Variants in RBFOX2 observed in about 807,000 individuals in gnomAD.
RBFOX2 encodes RNA binding fox-1 homolog 2.
RBFOX2 carries 10 observed loss-of-function variants against 49.1 expected under a neutral mutation model. The observed-to-expected ratio is 0.20, with a 90% CI of 0.13 to 0.35. The LOEUF (loss-of-function observed/expected upper bound fraction) is 0.35. Among genes scored for constraint, RBFOX2 ranks in the 10% least tolerant of loss-of-function variants. RBFOX2 has a pLI of 1.00. For synonymous variants in RBFOX2, 183 were observed against 187.4 expected (o/e 0.98, Z 0.19); for missense variants, 323 against 486.9 (o/e 0.66, Z 3.17).
intron 1 of RBFOX2, among the ~76,000 whole-genome samples, chr22:35,956,237 G>A (rs1663923987): frequency 6.6e-6 from 1 of 152,148 alleles, no homozygotes; most frequent in Non-Finnish European, 1.5e-5. Flanking sequence ...AGTCTTTTAA[G>A]GTTCAGAGCT....
chr22:35,832,305 G>A (rs375765343), intron 1 of RBFOX2, among the ~76,000 whole-genome samples: 4 of 149,718 alleles, frequency 2.7e-5, no homozygotes, highest in Non-Finnish European at 4.5e-5. Flanking sequence ...CCCAGGAGGC[G>A]GAGGTTGCAG....
chr22:35,887,347 T>C (rs1292638180), intron 1 of RBFOX2, among the ~76,000 whole-genome samples: 1 of 152,148 alleles, frequency 6.6e-6, no homozygotes, highest in Non-Finnish European at 1.5e-5. Context: ...ATGCCTTTTC[T>C]GATCCCATCT....
At chr22:35,904,797 C>T (rs1270939161) in intron 1 of RBFOX2, among the ~76,000 whole-genome samples, 1 of 152,162 alleles carries the variant, frequency 6.6e-6, no homozygotes, top group Non-Finnish European at 1.5e-5. Context: ...TCTAGAACTA[C>T]GTCGTCTAAC....
At chr22:35,742,438 G>A (rs906327235) in exon 12 of RBFOX2, 3 of 152,670 alleles carry the variant, frequency 2.0e-5, no homozygotes, top group Middle Eastern at 3.4e-3. Context: ...TTTAATTCAG[G>A]GACATGAGTC....
intron 1 of RBFOX2, among the ~76,000 whole-genome samples, chr22:35,814,138 A>T (rs915726743): frequency 6.6e-6 from 1 of 152,222 alleles, no homozygotes; most frequent in Admixed American, 6.5e-5. Context: ...CTTTTGGTGT[A>T]CAATGTGAAA....
chr22:35,842,870 C>A (rs1473010158), upstream of RBFOX2, among the ~76,000 whole-genome samples: 1 of 152,064 alleles, frequency 6.6e-6, no homozygotes, highest in African/African-American at 2.4e-5. Flanking sequence ...AAGTCCAAGA[C>A]TAGGATAAAG....
At chr22:35,903,311 T>G (rs1263895080) in intron 1 of RBFOX2, among the ~76,000 whole-genome samples, 2 of 152,192 alleles carry the variant, frequency 1.3e-5, no homozygotes, top group Admixed American at 6.5e-5. Context: ...GCTGACAATC[T>G]TCTTAAAACA....
chr22:35,900,902 T>C (rs1353275164), intron 1 of RBFOX2, among the ~76,000 whole-genome samples: 2 of 152,200 alleles, frequency 1.3e-5, no homozygotes, highest in Non-Finnish European at 2.9e-5. Context: ...TAGCGACTCA[T>C]GGGAGAAGGC....
chr22:35,781,516 T>G, intron 3 of RBFOX2, 84 bp downstream of exon 4: 1 of 1,495,782 alleles, frequency 6.7e-7, no homozygotes, highest in Non-Finnish European at 9.1e-7. Flanking sequence ...AGTTTAATCC[T>G]AAAGTAATAA....
intron 2 of RBFOX2, among the ~76,000 whole-genome samples, chr22:35,802,784 A>G (rs1950016607): frequency 6.6e-6 from 1 of 152,160 alleles, no homozygotes; most frequent in African/African-American, 2.4e-5. Context: ...AAGAGTCACA[A>G]AAGGGCCAGA....
At chr22:35,937,935 C>T (rs574874239) in intron 1 of RBFOX2, among the ~76,000 whole-genome samples, 60 of 152,280 alleles carry the variant, frequency 3.9e-4, no homozygotes, top group Non-Finnish European at 6.6e-4. Flanking sequence ...TGATGAGATT[C>T]AATGAACTTC....
intron 1 of RBFOX2, chr22:35,998,678 A>G (rs2058288861): frequency 6.6e-6 from 1 of 152,164 alleles, no homozygotes. Flanking sequence ...CGCCTGGCCA[A>G]TTAGGTTATA....
At chr22:35,973,820 G>C (rs576717709) in intron 1 of RBFOX2, among the ~76,000 whole-genome samples, 1 of 152,322 alleles carries the variant, frequency 6.6e-6, no homozygotes, top group Non-Finnish European at 1.5e-5. Flanking sequence ...CCTGAAGGAT[G>C]AGTGGGTTCC....
At chr22:35,933,209 T>C (rs2052631443) in intron 1 of RBFOX2, among the ~76,000 whole-genome samples, 1 of 152,224 alleles carries the variant, frequency 6.6e-6, no homozygotes, top group South Asian at 2.1e-4. Flanking sequence ...TGACAGTCTC[T>C]GTGCTTTGGT....
intron 1 of RBFOX2, among the ~76,000 whole-genome samples, chr22:35,862,379 G>A (rs116954667): frequency 3.4e-5 from 5 of 146,702 alleles, no homozygotes; most frequent in Non-Finnish European, 7.5e-5. Context: ...TTCTTTGGAG[G>A]GGGGGGGGAA....
intron 1 of RBFOX2, among the ~76,000 whole-genome samples, chr22:35,906,071 G>A (rs949094747): frequency 2.0e-5 from 3 of 152,138 alleles, no homozygotes; most frequent in Admixed American, 2.0e-4. Context: ...TTTTCACAAT[G>A]AAGTCACCTA....
chr22:35,806,228 G>C (rs995800728), intron 2 of RBFOX2, among the ~76,000 whole-genome samples: 1 of 151,952 alleles, frequency 6.6e-6, no homozygotes, highest in Non-Finnish European at 1.5e-5. Context: ...TGTGGGAACA[G>C]AAAGTATATG....
At chr22:35,808,352 C>T (rs888646523) in intron 2 of RBFOX2, among the ~76,000 whole-genome samples, 3 of 151,400 alleles carry the variant, frequency 2.0e-5, no homozygotes, top group African/African-American at 4.9e-5. Flanking sequence ...TAATAAACAT[C>T]GAAAGTAGGA....
chr22:35,784,685 C>G, intron 2 of RBFOX2, among the ~76,000 whole-genome samples: 1 of 152,360 alleles, frequency 6.6e-6, no homozygotes, highest in Middle Eastern at 3.4e-3. Flanking sequence ...TTAGAAGCCG[C>G]GGACCAAGTC....
Sources: gnomAD v4.1 joint callset for allele counts (sites outside exome capture counted in the v4.1 genomes callset) on GRCh38, gnomAD v4.1.1 for gene constraint, MANE v1.5 for transcripts, NCBI Gene and HGNC (gene_info 2026-07-23, HGNC 2026-07-21) for gene names.